The following NAA30 variants were observed in gnomAD, a reference collection of about 807,000 sequenced individuals.
NAA30 encodes N-alpha-acetyltransferase 30, NatC catalytic subunit.
In NAA30, 5 loss-of-function variants were observed where a neutral mutation model predicts 31.4. That is an observed-to-expected ratio of 0.16 (90% CI 0.08 to 0.33). NAA30 has a LOEUF of 0.33. NAA30 is among the 10% of genes least tolerant of loss of function. The pLI, the probability that NAA30 is intolerant of heterozygous loss-of-function variation, is 1.00. For synonymous variants in NAA30, 222 were observed against 207.1 expected (o/e 1.07, Z -0.62); for missense variants, 428 against 490.8 (o/e 0.87, Z 1.21).
intron 2 of NAA30, among the ~76,000 whole-genome samples, chr14:57,395,084 T>C (rs1186075739): frequency 2.6e-5 from 4 of 152,152 alleles, no homozygotes; most frequent in Non-Finnish European, 5.9e-5. Flanking sequence ...ATACTTCAGG[T>C]CTTTGTTTAA....
chr14:57,391,247 C>T lies in NAA30; in HGVS notation c.290C>T (p.Ala97Val), dbSNP rs370466132. The change falls in exon 2 of 5, where the codon GCG becomes GTG. Residue 97 changes from alanine (A) to valine (V), a missense_variant. Physicochemically the swap from Ala to Val is moderately conservative, Grantham distance 64. Around this residue, in one of 2 missense-constraint regions of NAA30, gnomAD observed 349 missense variants for 310.4 expected, o/e 1.12. Transcript: ENST00000556492. The surrounding 1 kb of genome is among the most constrained non-coding windows in gnomAD (Gnocchi z 4.1). ...AGCCCCGAACTGCGGCACCTCCGGG[C>T]GGCCGCCTCCCTCAAGAGCAAGGTC... ...LISPELRHLR[A>V]AASLKSKVLS... is the part of the protein sequence containing the mutation. 11 of 1,612,044 alleles carry T rather than the reference C, an allele frequency of 6.8e-6. No individual in the cohort carries two copies. In the Admixed American group the frequency reaches 8.3e-5, roughly 12 times the overall value.
Position 57,391,124 on chromosome 14 carries a change from C to G in NAA30, c.167C>G (p.Pro56Arg). 2 of 1,570,866 alleles carry G rather than the reference C, an allele frequency of 1.3e-6. No homozygotes were observed. Among genetic ancestry groups the G allele is most frequent in the Non-Finnish European group, 1.7e-6 (2 of 1,162,340 alleles). Residue 56 changes from proline (P) to arginine (R), a missense_variant, in exon 2 of 5, where the codon CCG becomes CGG. This residue lies in a region of NAA30 where 349 missense variants were observed against 310.4 expected (regional missense o/e 1.12). Transcript: ENST00000556492. The surrounding 1 kb of genome is among the most constrained non-coding windows in gnomAD (Gnocchi z 4.1). ...EEHEGGGSRS[P>R]AGGESATVAA... ...CACGAAGGCGGCGGCAGCAGGAGCC[C>G]GGCGGGCGGAGAGTCGGCGACGGTG... is the stretch of plus-strand genomic sequence containing the variant.
chr14:57,390,836 GT>G, intron 1 of NAA30, 120 bp from the exon 2 acceptor site: 1 of 965,108 alleles, frequency 1.0e-6, no homozygotes, highest in Non-Finnish European at 1.4e-6. Flanking sequence ...GGGCAGCTCC[GT>G]GAGGGACGGT....
chr14:57,394,688 T>C (rs192967284), intron 2 of NAA30, among the ~76,000 whole-genome samples: 2 of 152,306 alleles, frequency 1.3e-5, no homozygotes, highest in Admixed American at 1.3e-4. Context: ...AAATCAGGTC[T>C]TAAGAATGAA....
intron 4 of NAA30, among the ~76,000 whole-genome samples, chr14:57,408,105 A>C (rs1276870061): frequency 1.3e-5 from 2 of 152,188 alleles, no homozygotes; most frequent in Non-Finnish European, 2.9e-5. Context: ...TATTATTTGC[A>C]TCAGTTGTTT....
intron 4 of NAA30, among the ~76,000 whole-genome samples, chr14:57,401,969 C>G (rs2066479469): frequency 6.6e-6 from 1 of 152,206 alleles, no homozygotes; most frequent in South Asian, 2.1e-4. Flanking sequence ...AGGCTGACAT[C>G]AGGGATAGCT....
chr14:57,396,946 G>T, intron 3 of NAA30, 71 bp downstream of exon 3: 3 of 1,464,234 alleles, frequency 2.0e-6, no homozygotes, highest in Non-Finnish European at 9.4e-7. Flanking sequence ...TGAAATAAAA[G>T]ACTTAAATGT....
chr14:57,403,992 TTTTTGTTTTG>T (rs552161692), intron 4 of NAA30, among the ~76,000 whole-genome samples: 1 of 152,130 alleles, frequency 6.6e-6, no homozygotes, highest in South Asian at 2.1e-4. Flanking sequence ...TTCAAGGTTG[TTTTTGTTTTG>T]TTTTGTTTTG....
intron 1 of NAA30, 98 bp from the exon 2 acceptor site, chr14:57,390,859 T>C: frequency 4.8e-6 from 6 of 1,252,138 alleles, no homozygotes; most frequent in Non-Finnish European, 4.2e-6. Flanking sequence ...TCTGCCTTTG[T>C]TCCCCCCACC....
chr14:57,394,190 A>G (rs2066441559), intron 2 of NAA30, among the ~76,000 whole-genome samples: 1 of 150,658 alleles, frequency 6.6e-6, no homozygotes, highest in Non-Finnish European at 1.5e-5. Flanking sequence ...ACCTGTTTTC[A>G]TAGTAACATT....
chr14:57,392,490 CAAT>C, intron 2 of NAA30, among the ~76,000 whole-genome samples: 1 of 151,778 alleles, frequency 6.6e-6, no homozygotes, highest in Non-Finnish European at 1.5e-5. Flanking sequence ...GTATAATTGA[CAAT>C]AATATTACAC....
chr14:57,399,932 C>T (rs909718769), intron 4 of NAA30, 49 bp downstream of exon 4: 4 of 879,530 alleles, frequency 4.5e-6, no homozygotes, highest in Non-Finnish European at 7.3e-6. Context: ...ATTATTCTTT[C>T]TGGGTATTTT....
chr14:57,397,340 C>G (rs2066455171), intron 3 of NAA30, among the ~76,000 whole-genome samples: 2 of 152,154 alleles, frequency 1.3e-5, no homozygotes, highest in South Asian at 4.1e-4. Context: ...CAGGAAAGAT[C>G]AGGAGATGAG....
chr14:57,392,385 T>G (rs1006875782), intron 2 of NAA30, among the ~76,000 whole-genome samples: 2 of 152,000 alleles, frequency 1.3e-5, no homozygotes, highest in African/African-American at 4.8e-5. Flanking sequence ...TGTAGAAAAC[T>G]TGTGTGAAAT....
chr14:57,404,298 G>C (rs948501564), intron 4 of NAA30, among the ~76,000 whole-genome samples: 6 of 152,084 alleles, frequency 3.9e-5, no homozygotes, highest in Non-Finnish European at 7.4e-5. Context: ...CTCCAGCCTG[G>C]GGGCCAGAGC....
At chr14:57,406,808 TGTA>T in intron 4 of NAA30, among the ~76,000 whole-genome samples, 1 of 152,184 alleles carries the variant, frequency 6.6e-6, no homozygotes, top group Non-Finnish European at 1.5e-5. Context: ...ACTAAAAACT[TGTA>T]TTGACCAGAC....
intron 3 of NAA30, 35 bp downstream of exon 3, chr14:57,396,910 A>G (rs779616838): frequency 6.2e-6 from 10 of 1,602,792 alleles, no homozygotes; most frequent in Non-Finnish European, 7.7e-6. Context: ...AAGAATGCCT[A>G]AGCTATTTTC....
intron 2 of NAA30, 100 bp from the exon 3 acceptor site, chr14:57,396,652 C>G: frequency 3.2e-6 from 4 of 1,248,040 alleles, no homozygotes; most frequent in South Asian, 1.4e-5. Flanking sequence ...TATCTTCCCC[C>G]GTCGAAAATG....
At chr14:57,396,340 T>C (rs2066450341) in intron 2 of NAA30, among the ~76,000 whole-genome samples, 2 of 152,198 alleles carry the variant, frequency 1.3e-5, no homozygotes, top group East Asian at 3.8e-4. Context: ...TTTTACAATA[T>C]TTTATGTCCT....
Sources: allele counts gnomAD v4.1 joint callset (sites outside exome capture counted in the v4.1 genomes callset), GRCh38; gene constraint gnomAD v4.1.1; regional missense constraint gnomAD v4.1.1; non-coding constraint Gnocchi (gnomAD v3.1); transcripts MANE v1.5; gene names NCBI Gene and HGNC (gene_info 2026-07-23, HGNC 2026-07-21).